Variants in CHST11 observed in about 807,000 individuals in gnomAD.
CHST11 encodes C4S-1.
In CHST11, 9 loss-of-function variants were observed where a neutral mutation model predicts 30.4. That is an observed-to-expected ratio of 0.30 (90% CI 0.18 to 0.52). CHST11 has a LOEUF of 0.52. CHST11 is among the 20% of genes least tolerant of loss of function. The pLI is 0.97. For synonymous variants in CHST11, 152 were observed against 187.8 expected, an observed-to-expected ratio of 0.81 and a Z score of 1.56; for missense variants, 348 against 460.6, an observed-to-expected ratio of 0.76 and a Z score of 2.24.
chr12:104,531,413 G>T (rs1475135014), intron 1 of CHST11, among the ~76,000 whole-genome samples: 1 of 151,098 alleles, frequency 6.6e-6, no homozygotes, highest in African/African-American at 2.4e-5. Flanking sequence ...GAGCCCAGGA[G>T]GTTGAGGCTG....
chr12:104,723,738 A>G (rs2040196122), intron 2 of CHST11, among the ~76,000 whole-genome samples: 1 of 152,234 alleles, frequency 6.6e-6, no homozygotes, highest in Non-Finnish European at 1.5e-5. Context: ...CTCCCTGGAA[A>G]GGGGCTCTGT....
intron 2 of CHST11, among the ~76,000 whole-genome samples, chr12:104,698,281 C>T (rs1424727739): frequency 6.6e-6 from 1 of 152,160 alleles, no homozygotes. Flanking sequence ...TCCATCTTCT[C>T]CACCTCCTCA....
chr12:104,589,080 G>A (rs992383350), intron 1 of CHST11: 1 of 152,202 alleles, frequency 6.6e-6, no homozygotes, highest in Non-Finnish European at 1.5e-5. Context: ...GACACTGTAT[G>A]ATCCTACTTG....
chr12:104,497,509 TG>T (rs1452295629), intron 1 of CHST11, among the ~76,000 whole-genome samples: 11 of 152,218 alleles, frequency 7.2e-5, no homozygotes, highest in Non-Finnish European at 1.5e-4. Context: ...TGTGGTATTT[TG>T]TTATGGCAGC....
intron 1 of CHST11, chr12:104,553,462 C>T (rs541918668): frequency 1.3e-5 from 2 of 152,356 alleles, no homozygotes; most frequent in African/African-American, 2.4e-5. Flanking sequence ...TTTAATTGAC[C>T]TACAGTTCCA....
At chr12:104,673,789 C>G (rs2039716610) in intron 2 of CHST11, among the ~76,000 whole-genome samples, 1 of 152,232 alleles carries the variant, frequency 6.6e-6, no homozygotes, top group African/African-American at 2.4e-5. Context: ...AGTTCCTTAA[C>G]CTCTCTGAGT....
intron 1 of CHST11, among the ~76,000 whole-genome samples, chr12:104,578,567 C>G (rs187115387): frequency 1.3e-5 from 2 of 152,048 alleles, no homozygotes; most frequent in East Asian, 1.9e-4. Context: ...GATGACAGCA[C>G]GAGTTGAAAA....
chr12:104,738,400 T>G lies in CHST11; in HGVS notation c.205-18549T>G, dbSNP rs145824415. Among the ~76,000 whole-genome samples, 30 of 152,354 alleles carry G rather than the reference T, an allele frequency of 2.0e-4. No homozygotes were observed. The East Asian group carries it at 5.8e-3, about 29-fold the overall frequency. ...TGTGGGCTTTGCATGAATACTTCTT[T>G]CTTGGGAAAATCATTCCCTGCTCTC... On this transcript the variant is annotated intron_variant, in intron 2 of 2. Transcript: ENST00000303694.
chr12:104,461,822 A>G (rs534699607), intron 1 of CHST11, among the ~76,000 whole-genome samples: 21 of 152,172 alleles, frequency 1.4e-4, no homozygotes, highest in Non-Finnish European at 2.8e-4. Flanking sequence ...TGCATTTTGT[A>G]TTATAATTTT....
rs578012874 is a variant in CHST11, at chr12:104,548,796, G to C, written c.119-53110G>C. On this transcript the variant is annotated intron_variant, in intron 1 of 2. Coordinates refer to ENST00000303694, the MANE Select transcript of CHST11 (RefSeq NM_018413.6). ...CCTCCCTGAACGCAGGCAGGCAACTGTCAGCCAAGGAGGAGGACTGTGGGA... is the reference window on the plus strand; with the variant it reads ...CCTCCCTGAACGCAGGCAGGCAACTCTCAGCCAAGGAGGAGGACTGTGGGA... Among the ~76,000 whole-genome samples the C allele has an allele frequency of 2.6e-5, 4 of 152,338 alleles. No individual in the cohort carries two copies. The East Asian group carries it at 7.7e-4, about 29-fold the overall frequency.
chr12:104,599,684 T>A (rs1395276288), intron 1 of CHST11, among the ~76,000 whole-genome samples: 1 of 152,224 alleles, frequency 6.6e-6, no homozygotes, highest in Non-Finnish European at 1.5e-5. Flanking sequence ...GTATTGACAT[T>A]TGCCTGCGAT....
chr12:104,492,381 A>G (rs1593968136), intron 1 of CHST11, among the ~76,000 whole-genome samples: 2 of 152,172 alleles, frequency 1.3e-5, no homozygotes, highest in Non-Finnish European at 2.9e-5. Flanking sequence ...TTTTAAAGGC[A>G]TGTATCACTC....
At chr12:104,568,327 G>A (rs1049472594) in intron 1 of CHST11, among the ~76,000 whole-genome samples, 1 of 152,176 alleles carries the variant, frequency 6.6e-6, no homozygotes, top group Non-Finnish European at 1.5e-5. Flanking sequence ...TGTGCCAGTG[G>A]CCCCCCTCCC....
chr12:104,488,390 T>A lies in CHST11; in HGVS notation c.118+30861T>A, dbSNP rs549587592. Among the ~76,000 whole-genome samples, 5 of 152,128 alleles carry A rather than the reference T, an allele frequency of 3.3e-5. No homozygotes were observed. In the South Asian group the frequency reaches 8.3e-4, roughly 25 times the overall value. ...GTGTATGCGTGTGTATGTGTGTGTA[T>A]GTGTGCGTGTGTCCAGGTATGTGTA... On this transcript the variant is annotated intron_variant, in intron 1 of 2. Transcript: ENST00000303694.
chr12:104,629,411 C>T (rs2039250648), intron 2 of CHST11, among the ~76,000 whole-genome samples: 1 of 152,184 alleles, frequency 6.6e-6, no homozygotes, highest in South Asian at 2.1e-4. Context: ...TTCTTCAAGG[C>T]CAAGAGGACA....
At chr12:104,518,949 A>G (rs2038050388) in intron 1 of CHST11, among the ~76,000 whole-genome samples, 1 of 149,320 alleles carries the variant, frequency 6.7e-6, no homozygotes, top group Non-Finnish European at 1.5e-5. Flanking sequence ...TTTTCTTAAA[A>G]TCTTTTCTTT....
chr12:104,637,535 C>G (rs1566017987), intron 2 of CHST11, among the ~76,000 whole-genome samples: 2 of 152,110 alleles, frequency 1.3e-5, no homozygotes, highest in South Asian at 2.1e-4. Flanking sequence ...AAATGCCCAG[C>G]CTGTATCCAG....
At chr12:104,470,165 G>A (rs1201035231) in intron 1 of CHST11, among the ~76,000 whole-genome samples, 1 of 152,162 alleles carries the variant, frequency 6.6e-6, no homozygotes, top group African/African-American at 2.4e-5. Context: ...CAAAGAATAG[G>A]CCAGCTCAAA....
At position 104,760,768 on chromosome 12, in the gene CHST11, A is replaced by C. The variant is rs1027485011; in HGVS notation, c.*2965A>C. 2.1e-4 allele frequency: 32 copies of C among 152,240 alleles called. No individual in the cohort carries two copies. The highest frequency in any genetic ancestry group is 3.5e-4 in the Non-Finnish European group (24 of 68,008). 9.4% of individuals were successfully genotyped at this position (152,240 alleles called of 1,614,324 possible). The stretch of plus-strand genomic sequence containing the variant: ...TCTCCCCGTGTTTTGCTTTGTGTTC[A>C]CATTTTCTTTTCTAATGGCATTGAA... On this transcript the variant is annotated 3_prime_UTR_variant, in exon 3 of 3. Transcript: ENST00000303694.
Sources: gnomAD v4.1 joint callset for allele counts (sites outside exome capture counted in the v4.1 genomes callset) on GRCh38, gnomAD v4.1.1 for gene constraint, MANE v1.5 for transcripts, NCBI Gene and HGNC (gene_info 2026-07-23, HGNC 2026-07-21) for gene names.